Variants in SATB2 observed in about 807,000 individuals in gnomAD.
SATB2 encodes SATB homeobox 2.
SATB2 carries 1 observed loss-of-function variant against 73.4 expected under a neutral mutation model. The observed-to-expected ratio is 0.01, with a 90% CI of 0.00 to 0.06. SATB2 has a LOEUF of 0.06. Among genes scored for constraint, SATB2 ranks in the 10% least tolerant of loss-of-function variants. The probability of loss-of-function intolerance (pLI) is 1.00; values close to 1 mark genes in which losing one functional copy is unlikely to be tolerated. For missense variants in SATB2, 459 were observed against 945.8 expected (o/e 0.49, Z 6.75); for synonymous variants, 397 against 367.0 (o/e 1.08, Z -0.93).
chr2:199,470,162 G>C (rs1383295971), intron 1 of SATB2: 1 of 152,366 alleles, frequency 6.6e-6, no homozygotes, highest in Non-Finnish European at 1.5e-5. Context: ...AGAAAGTCTG[G>C]GCAGCTGGAG....
chr2:199,426,182 A>C (rs183550086), intron 3 of SATB2, among the ~76,000 whole-genome samples: 2 of 152,208 alleles, frequency 1.3e-5, no homozygotes, highest in Non-Finnish European at 2.9e-5. Context: ...AGTCTCCCAA[A>C]CATTTAGTGT....
At chr2:199,426,829 G>C (rs1224932960) in intron 3 of SATB2, among the ~76,000 whole-genome samples, 6 of 151,940 alleles carry the variant, frequency 3.9e-5, no homozygotes. Flanking sequence ...TTTATTTAGA[G>C]ACAGAGTCTT....
intron 6 of SATB2, among the ~76,000 whole-genome samples, chr2:199,352,007 T>A (rs1688832527): frequency 6.6e-6 from 1 of 152,096 alleles, no homozygotes; most frequent in Non-Finnish European, 1.5e-5. Flanking sequence ...GTAACTGGGA[T>A]TACAGGCATA....
At chr2:199,430,668 A>C (rs1574622762) in intron 3 of SATB2, among the ~76,000 whole-genome samples, 1 of 152,288 alleles carries the variant, frequency 6.6e-6, no homozygotes, top group South Asian at 2.1e-4. Flanking sequence ...ATCATTCTTT[A>C]GGAGGAAATA....
upstream of SATB2, chr2:199,459,831 C>T (rs1442933892): frequency 1.6e-5 from 1 of 61,186 alleles, no homozygotes; most frequent in African/African-American, 7.1e-5. This position sits in a 1 kb window ranked among gnomAD's most constrained non-coding sequence, Gnocchi z 4.2. Context: ...GTGCCCGGGA[C>T]AAGGCTGCCT....
At chr2:199,309,876 A>G (rs1276097989) in intron 9 of SATB2, among the ~76,000 whole-genome samples, 1 of 152,234 alleles carries the variant, frequency 6.6e-6, no homozygotes, top group African/African-American at 2.4e-5. Context: ...TGACTTTGTG[A>G]AAAATAATTC....
At chr2:199,329,715 T>A (rs1688134415) in intron 7 of SATB2, among the ~76,000 whole-genome samples, 1 of 152,094 alleles carries the variant, frequency 6.6e-6, no homozygotes, top group African/African-American at 2.4e-5. Flanking sequence ...AAGATTTAAA[T>A]AGGAAGTCAG....
chr2:199,279,082 G>A (rs1215243909), intron 10 of SATB2, among the ~76,000 whole-genome samples: 2 of 152,196 alleles, frequency 1.3e-5, no homozygotes, highest in Non-Finnish European at 2.9e-5. Context: ...TTTATTTGCT[G>A]TAATCTCTCT....
chr2:199,380,232 T>C (rs1354209746), intron 5 of SATB2, 132 bp downstream of exon 5: 4 of 1,182,300 alleles, frequency 3.4e-6, no homozygotes, highest in Non-Finnish European at 5.0e-6. Context: ...CATAATCTTT[T>C]ACACCTCAAA....
chr2:199,403,970 T>C (rs931468669), intron 3 of SATB2, among the ~76,000 whole-genome samples: 5 of 152,214 alleles, frequency 3.3e-5, no homozygotes, highest in African/African-American at 1.2e-4. Context: ...AGGTGTTTAT[T>C]ATTCCTGGCT....
upstream of SATB2, among the ~76,000 whole-genome samples, chr2:199,462,353 G>T (rs1218826920): frequency 6.6e-6 from 1 of 152,154 alleles, no homozygotes; most frequent in African/African-American, 2.4e-5. This position sits in a 1 kb window ranked among gnomAD's most constrained non-coding sequence, Gnocchi z 5.9. Context: ...GTGGAGAGTT[G>T]GCGACCAACA....
chr2:199,460,795 A>G (rs1413443287), upstream of SATB2, among the ~76,000 whole-genome samples: 1 of 152,232 alleles, frequency 6.6e-6, no homozygotes, highest in Non-Finnish European at 1.5e-5. The surrounding 1 kb of genome is among the most constrained non-coding windows in gnomAD (Gnocchi z 4.0). Context: ...ATCGGTTAAT[A>G]TTTTATAAAG....
chr2:199,435,064 T>C (rs1248802668), intron 2 of SATB2, among the ~76,000 whole-genome samples: 1 of 152,134 alleles, frequency 6.6e-6, no homozygotes, highest in East Asian at 1.9e-4. Flanking sequence ...AGTCAAACCA[T>C]ATCACACACA....
At chr2:199,361,266 G>C (rs186825660) in intron 6 of SATB2, among the ~76,000 whole-genome samples, 2 of 152,120 alleles carry the variant, frequency 1.3e-5, no homozygotes, top group Admixed American at 6.5e-5. Context: ...CAACCATCAA[G>C]AGTCACTTAA....
intron 2 of SATB2, among the ~76,000 whole-genome samples, chr2:199,444,988 C>T (rs990888904): frequency 6.6e-6 from 1 of 152,162 alleles, no homozygotes; most frequent in Non-Finnish European, 1.5e-5. Flanking sequence ...TCTCAGAAGC[C>T]TGCCTTGGTT....
intron 3 of SATB2, among the ~76,000 whole-genome samples, chr2:199,409,389 C>G (rs1054839581): frequency 6.6e-6 from 1 of 152,002 alleles, no homozygotes; most frequent in Admixed American, 6.6e-5. Context: ...AGGCTGGTCC[C>G]GAACTCCGGA....
chr2:199,316,623 G>GTA (rs1443972825), intron 9 of SATB2, among the ~76,000 whole-genome samples: 1 of 152,026 alleles, frequency 6.6e-6, no homozygotes, highest in East Asian at 1.9e-4. Flanking sequence ...GTAATTGAGA[G>GTA]TAATGAAAAT....
intron 3 of SATB2, among the ~76,000 whole-genome samples, chr2:199,401,618 C>G (rs1187868662): frequency 6.6e-6 from 1 of 151,404 alleles, no homozygotes; most frequent in Non-Finnish European, 1.5e-5. Flanking sequence ...GGAAAATGGC[C>G]CAAGGGATTA....
intron 3 of SATB2, among the ~76,000 whole-genome samples, chr2:199,415,898 TC>T: frequency 6.6e-6 from 1 of 152,204 alleles, no homozygotes; most frequent in Non-Finnish European, 1.5e-5. Flanking sequence ...ATGTGAGCTG[TC>T]CTTCTCTGTA....
Sources: gnomAD v4.1 joint callset for allele counts (sites outside exome capture counted in the v4.1 genomes callset) on GRCh38, gnomAD v4.1.1 for gene constraint, Gnocchi (gnomAD v3.1) non-coding constraint, MANE v1.5 for transcripts, NCBI Gene and HGNC (gene_info 2026-07-23, HGNC 2026-07-21) for gene names.